The following EPHX1 variants were observed in gnomAD, a reference collection of about 807,000 sequenced individuals.
The protein encoded by EPHX1 is epoxide hydrolase 1.
Under a neutral mutation model 43.2 loss-of-function variants are expected in EPHX1, and 40 were observed. That is an observed-to-expected ratio of 0.93 (90% confidence interval 0.72 to 1.21). The LOEUF is 1.21. EPHX1 is among the 50% of genes most tolerant of loss of function. The pLI, the probability that EPHX1 is intolerant of heterozygous loss-of-function variation, is 0.00. For synonymous variants in EPHX1, 221 were observed against 226.7 expected, an observed-to-expected ratio of 0.98 and a Z score of 0.22; for missense variants, 550 against 570.4, an observed-to-expected ratio of 0.96 and a Z score of 0.36.
chr1:225,833,550 C>G (rs574785848), intron 3 of EPHX1, among the ~76,000 whole-genome samples: 6 of 152,058 alleles, frequency 3.9e-5, no homozygotes, highest in Non-Finnish European at 8.8e-5. Flanking sequence ...AATCCCAGCA[C>G]TTTGGGAGGC....
At chr1:225,824,865 A>C (rs1340712468) in intron 1 of EPHX1, among the ~76,000 whole-genome samples, 2 of 152,206 alleles carry the variant, frequency 1.3e-5, no homozygotes, top group African/African-American at 2.4e-5. Context: ...CACCAGGCTA[A>C]TCAAGAACAC....
At chr1:225,834,303 G>A (rs1576015721) in intron 3 of EPHX1, among the ~76,000 whole-genome samples, 5 of 151,780 alleles carry the variant, frequency 3.3e-5, no homozygotes, top group Admixed American at 3.3e-4. Flanking sequence ...TACTCGGGAG[G>A]CTGAGGCAAA....
chr1:225,815,876 A>T (rs1490872333), intron 1 of EPHX1, among the ~76,000 whole-genome samples: 1 of 152,150 alleles, frequency 6.6e-6, no homozygotes, highest in African/African-American at 2.4e-5. Flanking sequence ...AGGAAAAGAC[A>T]CCTTGGGGAG....
intron 3 of EPHX1, among the ~76,000 whole-genome samples, chr1:225,837,943 TA>T (rs1668058715): frequency 6.6e-6 from 1 of 152,250 alleles, no homozygotes; most frequent in African/African-American, 2.4e-5. Context: ...GGAAAGTACA[TA>T]AAACTCAAAG....
intron 2 of EPHX1, among the ~76,000 whole-genome samples, chr1:225,830,475 T>C (rs1667516981): frequency 6.6e-6 from 1 of 152,180 alleles, no homozygotes; most frequent in Admixed American, 6.5e-5. Context: ...GTAAATTTTT[T>C]AGTTTTTGGA....
At chr1:225,833,530 G>A (rs45562233) in intron 3 of EPHX1, among the ~76,000 whole-genome samples, 152 of 151,906 alleles carry the variant, frequency 1.0e-3, no homozygotes, top group African/African-American at 3.6e-3. Context: ...GCACGGTGGC[G>A]CACGCCTGTA....
chr1:225,845,328 C>A lies in EPHX1; in HGVS notation c.1349C>A (p.Ser450Ter), dbSNP rs377404367. 3.7e-6 allele frequency: 6 copies of A among 1,611,180 alleles called. No individual in the cohort carries two copies. Among genetic ancestry groups the A allele is most frequent in the African/African-American group, 1.3e-5 (1 of 74,858 alleles). Residue 450 changes from serine to a stop codon, truncating the protein, a stop_gained, in exon 9 of 9, where the codon TCG (serine) becomes TAG (stop). Transcript: ENST00000272167. LOFTEE classifies it high-confidence loss of function. ...LLAQDIRKFL[S>*]VLERQ Reference sequence around the variant, plus strand: ...GCCCAGGACATCCGCAAGTTCCTGTCGGTGCTGGAGCGGCAATGACCCACC... The same window carrying A: ...GCCCAGGACATCCGCAAGTTCCTGTAGGTGCTGGAGCGGCAATGACCCACC...
In EPHX1 at chr1:225,844,631, T is replaced by C; in HGVS notation, c.1166+8T>C. 6.2e-7 allele frequency: 1 copy of C among 1,613,812 alleles called. No homozygotes were observed. The highest frequency in any genetic ancestry group is 1.1e-5 in the South Asian group (1 of 91,066). ...GACCCAGAAGCATGAGCGGTGAGCCTGGCTGAGCCGAGAACAGGGGCCTCT... is the reference window on the plus strand; with the variant it reads ...GACCCAGAAGCATGAGCGGTGAGCCCGGCTGAGCCGAGAACAGGGGCCTCT... On this transcript the variant is annotated splice_region_variant and intron_variant, in intron 8 of 8. Coordinates refer to ENST00000272167, the MANE Select transcript of EPHX1 (RefSeq NM_001136018.4).
chr1:225,816,201 G>A (rs1299170660), intron 1 of EPHX1, among the ~76,000 whole-genome samples: 4 of 152,224 alleles, frequency 2.6e-5, no homozygotes, highest in African/African-American at 7.2e-5. Context: ...GCTGAGGCAT[G>A]AGAATTGCTT....
At position 225,834,063 on chromosome 1, in the gene EPHX1, A is replaced by T. The variant is rs1374760608; in HGVS notation, c.364+2104A>T. Among the ~76,000 whole-genome samples, 3 of 133,680 alleles carry T rather than the reference A, an allele frequency of 2.2e-5. No homozygotes were observed. The East Asian group carries it at 7.0e-4, about 31-fold the overall frequency. 87.7% of individuals were successfully genotyped at this position (133,680 alleles called of 152,430 possible). ...CAGTGAGCCCAGATTGCGCCACTGC[A>T]CTCCAGCCTGGGTGACAGGGCAAGA... On this transcript the variant is annotated intron_variant, in intron 3 of 8. Coordinates refer to ENST00000272167, the MANE Select transcript of EPHX1 (RefSeq NM_001136018.4).
intron 6 of EPHX1, chr1:225,841,212 T>C (rs1378666231): frequency 6.6e-6 from 1 of 152,234 alleles, no homozygotes; most frequent in Non-Finnish European, 1.5e-5. Flanking sequence ...ACAGAGTATA[T>C]ACCCTTGAGT....
intron 1 of EPHX1, among the ~76,000 whole-genome samples, chr1:225,823,532 G>A (rs1371432308): frequency 6.6e-6 from 1 of 152,214 alleles, no homozygotes; most frequent in Non-Finnish European, 1.5e-5. Context: ...TAGAGCAGGG[G>A]TTTGGACTCG....
intron 3 of EPHX1, among the ~76,000 whole-genome samples, chr1:225,834,269 G>A (rs1286171583): frequency 6.6e-6 from 1 of 151,692 alleles, no homozygotes; most frequent in Non-Finnish European, 1.5e-5. Flanking sequence ...GCTGGGCATG[G>A]TGGCACGTGC....
chr1:225,841,148 A>G (rs981818641), intron 6 of EPHX1: 1 of 152,192 alleles, frequency 6.6e-6, no homozygotes, highest in Non-Finnish European at 1.5e-5. Flanking sequence ...CCACGCTCTG[A>G]CTTCTGACTG....
At chr1:225,841,574 G>A (rs1161607058) in intron 6 of EPHX1, among the ~76,000 whole-genome samples, 3 of 146,766 alleles carry the variant, frequency 2.0e-5, no homozygotes, top group South Asian at 2.2e-4. Flanking sequence ...GTGAGCCACC[G>A]CACCCAGCCT....
Position 225,831,763 on chromosome 1 carries a change from C to T in EPHX1, c.184-16C>T. 6.2e-7 allele frequency: 1 copy of T among 1,613,432 alleles called. No individual in the cohort carries two copies. Among genetic ancestry groups the T allele is most frequent in the Non-Finnish European group, 8.5e-7 (1 of 1,179,968 alleles). On this transcript the variant is annotated splice_polypyrimidine_tract_variant and intron_variant, in intron 2 of 8. Coordinates refer to ENST00000272167, the MANE Select transcript of EPHX1 (RefSeq NM_001136018.4). ...TTCCCATCCCTCTCAACTTGGGGTCCTGAATTTTGCTCCAGGACTTACACC... is the reference window on the plus strand; with the variant it reads ...TTCCCATCCCTCTCAACTTGGGGTCTTGAATTTTGCTCCAGGACTTACACC...
intron 1 of EPHX1, among the ~76,000 whole-genome samples, chr1:225,811,427 C>T (rs368837450): frequency 6.6e-6 from 1 of 152,202 alleles, no homozygotes; most frequent in African/African-American, 2.4e-5. Flanking sequence ...TCTGTGAGGG[C>T]TCAGCTTGTG....
At chr1:225,818,396 G>A (rs868966) in intron 1 of EPHX1, among the ~76,000 whole-genome samples, 83,920 of 152,006 alleles carry the variant, frequency 0.55, 23,296 homozygotes, top group African/African-American at 0.59. Context: ...TGAGCTCGAC[G>A]AAGGCTAGGA....
rs1668181430 is a variant in EPHX1 at position 225,839,359 on chromosome 1, T to C, written c.722+13T>C. 1 of 1,592,354 alleles carries C rather than the reference T, an allele frequency of 6.3e-7. No individual in the cohort carries two copies. The highest frequency in any genetic ancestry group is 1.5e-5 in the African/African-American group (1 of 67,056). ...AGCTGGTGCCCAGGTGAGGTCACTG[T>C]TGGGGTGGTGTGTGTGTGTGTGTGT... On this transcript the variant is annotated intron_variant, in intron 5 of 8. Coordinates refer to ENST00000272167, the MANE Select transcript of EPHX1 (RefSeq NM_001136018.4).
Sources: allele counts gnomAD v4.1 joint callset (sites outside exome capture counted in the v4.1 genomes callset), GRCh38; gene constraint gnomAD v4.1.1; transcripts MANE v1.5; gene names NCBI Gene and HGNC (gene_info 2026-07-23, HGNC 2026-07-21).